The following TANC1 variants were observed in gnomAD, a reference collection of about 807,000 sequenced individuals.
The protein encoded by TANC1 is tetratricopeptide repeat, ankyrin repeat and coiled-coil containing 1.
In TANC1, 77 loss-of-function variants were observed where a neutral mutation model predicts 149.7. The observed-to-expected ratio is 0.51, with a 90% CI of 0.43 to 0.62. The LOEUF (loss-of-function observed/expected upper bound fraction) is 0.62, where lower values mean the gene tolerates loss of function less well. TANC1 is among the 20% of genes least tolerant of loss of function. The pLI is 0.00. For synonymous variants in TANC1, 854 were observed against 925.0 expected (o/e 0.92, Z 1.39); for missense variants, 1,985 against 2,321.8 (o/e 0.85, Z 2.98).
At position 158,970,176 on chromosome 2, in the gene TANC1, C is replaced by G. The variant is rs1188302257; in HGVS notation, c.-126+1394C>G. ...TGGGGGTGGGAGAGGAAAGGAGAAA[C>G]CTGGTTAGTTGGCACAGAGGGCTGG... On this transcript the variant is annotated intron_variant, in intron 1 of 26. Transcript: ENST00000263635. Among the ~76,000 whole-genome samples, 3 of 151,926 alleles carry G rather than the reference C, an allele frequency of 2.0e-5. 1 individual carries two copies. The highest frequency in any genetic ancestry group is 4.2e-4 in the South Asian group (2 of 4,806).
intron 2 of TANC1, among the ~76,000 whole-genome samples, chr2:159,051,306 C>T (rs962345532): frequency 6.6e-6 from 1 of 152,162 alleles, no homozygotes; most frequent in Admixed American, 6.5e-5. Context: ...CTCCCTATTC[C>T]TCCCCAAGAA....
rs57208685 is a variant in TANC1 at position 159,046,589 on chromosome 2, CT to C, written c.-15-19279del. Among the ~76,000 whole-genome samples, 334 of 84,326 alleles carry C rather than the reference CT, an allele frequency of 4.0e-3. 1 individual carries two copies. In the East Asian group the frequency reaches 0.047, roughly 12 times the overall value. 55.3% of individuals were successfully genotyped at this position (84,326 alleles called of 152,430 possible). A position where few individuals can be genotyped will look rare whatever the true frequency, so the allele number is the denominator to read the frequency against. On this transcript the variant is annotated intron_variant, in intron 2 of 26. Coordinates refer to ENST00000263635, the MANE Select transcript of TANC1 (RefSeq NM_033394.3). ...ATGCACCATTCTTTTCTTTTCTTTA[CT>C]TTTTTTTTTTTTTTTTTTTTTTTTT...
At chr2:159,183,603 C>T (rs551416103) in intron 14 of TANC1, among the ~76,000 whole-genome samples, 12 of 151,836 alleles carry the variant, frequency 7.9e-5, no homozygotes, top group East Asian at 1.9e-4. Context: ...TAGGAGACTC[C>T]GCCTGTTGGG....
chr2:159,023,076 G>T lies in TANC1; in HGVS notation c.-16+21887G>T, dbSNP rs72936437. Reference sequence around the variant, plus strand: ...ATAATGGGATGAGTGGCATATAGTGGGAGCATAGGGAAAATTGAGACTTCT... The same window carrying T: ...ATAATGGGATGAGTGGCATATAGTGTGAGCATAGGGAAAATTGAGACTTCT... On this transcript the variant is annotated intron_variant, in intron 2 of 26. Transcript: ENST00000263635. Among the ~76,000 whole-genome samples the T allele has an allele frequency of 1.0e-3, 154 of 152,144 alleles. 3 individuals carry two copies. Among genetic ancestry groups the T allele is most frequent in the Non-Finnish European group, 3.8e-4 (26 of 68,032 alleles).
intron 5 of TANC1, among the ~76,000 whole-genome samples, chr2:159,146,206 T>C (rs563330317): frequency 1.9e-4 from 29 of 152,032 alleles, no homozygotes; most frequent in Non-Finnish European, 3.8e-4. Flanking sequence ...TCTGCCAGAG[T>C]GAGAAGTTCA....
At chr2:159,152,617 G>T (rs1038702946) in intron 7 of TANC1, among the ~76,000 whole-genome samples, 2 of 152,014 alleles carry the variant, frequency 1.3e-5, no homozygotes, top group African/African-American at 4.8e-5. Context: ...AGGTTCCCGG[G>T]TAGTTGGGAC....
At chr2:159,071,452 T>C (rs2043150521) in intron 3 of TANC1, among the ~76,000 whole-genome samples, 1 of 152,230 alleles carries the variant, frequency 6.6e-6, no homozygotes, top group African/African-American at 2.4e-5. Context: ...GTTGGCTAAA[T>C]ACACTTGTAA....
intron 3 of TANC1, among the ~76,000 whole-genome samples, chr2:159,090,764 T>G (rs544747336): frequency 6.6e-6 from 1 of 152,378 alleles, no homozygotes; most frequent in South Asian, 2.1e-4. Flanking sequence ...CCAGCGCCAC[T>G]GTGCTGCAGA....
At chr2:158,974,444 A>T (rs1408331807) in intron 1 of TANC1, among the ~76,000 whole-genome samples, 1 of 151,966 alleles carries the variant, frequency 6.6e-6, no homozygotes, top group Non-Finnish European at 1.5e-5. Flanking sequence ...TTTTAATTTT[A>T]TTATTTCGAG....
chr2:159,120,060 G>T (rs1197740119), intron 4 of TANC1, among the ~76,000 whole-genome samples: 1 of 152,210 alleles, frequency 6.6e-6, no homozygotes, highest in African/African-American at 2.4e-5. Flanking sequence ...GGTCTGACAT[G>T]CCAGCCTTCT....
At chr2:159,134,375 G>C (rs2150185659) in intron 4 of TANC1, among the ~76,000 whole-genome samples, 1 of 152,268 alleles carries the variant, frequency 6.6e-6, no homozygotes, top group East Asian at 1.9e-4. Context: ...TGTGATCTTG[G>C]CTCACTGCAA....
At chr2:159,088,037 C>T (rs2045127450) in intron 3 of TANC1, among the ~76,000 whole-genome samples, 2 of 151,700 alleles carry the variant, frequency 1.3e-5, no homozygotes, top group African/African-American at 4.8e-5. Context: ...CGAGAGCCTT[C>T]AGAGAGATCA....
chr2:158,977,989 C>T lies in TANC1; in HGVS notation c.-126+9207C>T, dbSNP rs111588535. On this transcript the variant is annotated intron_variant, in intron 1 of 26. Coordinates refer to ENST00000263635, the MANE Select transcript of TANC1 (RefSeq NM_033394.3). ...TTATGAACATTTTTTCTGATTTACT[C>T]CCGCTTCCACATTTCAGTTTTTCTT... Among the ~76,000 whole-genome samples the T allele has an allele frequency of 3.3e-5, 5 of 152,256 alleles. 1 individual carries two copies. Among genetic ancestry groups the T allele is most frequent in the African/African-American group, 9.6e-5 (4 of 41,558 alleles).
intron 1 of TANC1, among the ~76,000 whole-genome samples, chr2:159,000,207 G>C (rs997579456): frequency 1.3e-5 from 2 of 152,084 alleles, no homozygotes; most frequent in African/African-American, 4.8e-5. Flanking sequence ...TGGAGCGTGG[G>C]GTGTGGAAGG....
In TANC1 at chr2:159,159,691, C is replaced by CGTGTGTGTGTGTGTGT. The variant is rs371748384; in HGVS notation, c.683-3580_683-3565dup. Among the ~76,000 whole-genome samples, 8 of 117,952 alleles carry CGTGTGTGTGTGTGTGT rather than the reference C, an allele frequency of 6.8e-5. 1 individual carries two copies. The highest frequency in any genetic ancestry group is 3.0e-4 in the South Asian group (1 of 3,338). 77.4% of individuals were successfully genotyped at this position (117,952 alleles called of 152,430 possible). A position where few individuals can be genotyped will look rare whatever the true frequency, so the allele number is the denominator to read the frequency against. ...ATACCACTAATTGTGCATACACATA[C>CGTGTGTGTGTGTGTGT]GTGTGTGTGTGTGTGTGTGTGTGTG... is the stretch of plus-strand genomic sequence containing the variant. On this transcript the variant is annotated intron_variant, in intron 7 of 26. Transcript: ENST00000263635.
intron 3 of TANC1, among the ~76,000 whole-genome samples, chr2:159,082,289 A>G (rs2044355041): frequency 6.6e-6 from 1 of 151,862 alleles, no homozygotes; most frequent in Non-Finnish European, 1.5e-5. Context: ...GCCCACTGCC[A>G]CCCAACCCTG....
In TANC1 at chr2:159,066,175, A is replaced by G. The variant is rs113205384; in HGVS notation, c.61+204A>G. 7.9e-3 allele frequency among the ~76,000 whole-genome samples: 1,198 copies of G among 152,350 alleles called. 14 individuals carry two copies. The highest frequency in any genetic ancestry group is 0.027 in the African/African-American group (1,115 of 41,572). On this transcript the variant is annotated intron_variant, in intron 3 of 26. Coordinates refer to ENST00000263635, the MANE Select transcript of TANC1 (RefSeq NM_033394.3). ...GTAATCCCAGCATTTTGAGAGGCCAAGGCAGGAGGATTGCTTGAGGCTAGG... is the reference window on the plus strand; with the variant it reads ...GTAATCCCAGCATTTTGAGAGGCCAGGGCAGGAGGATTGCTTGAGGCTAGG...
intron 3 of TANC1, among the ~76,000 whole-genome samples, chr2:159,074,996 G>A (rs1357413688): frequency 6.6e-6 from 1 of 151,858 alleles, no homozygotes; most frequent in African/African-American, 2.4e-5. Context: ...TCTCCCAAAG[G>A]CCCCATCTCC....
At chr2:159,065,755 GAA>G (rs1269046563) in intron 2 of TANC1, 139 bp from the exon 3 acceptor site, 1 of 558,086 alleles carries the variant, frequency 1.8e-6, no homozygotes, top group East Asian at 3.1e-5. Context: ...TTTATTCAAA[GAA>G]AATTAATGTA....
Sources: gnomAD v4.1 joint callset for allele counts (sites outside exome capture counted in the v4.1 genomes callset) on GRCh38, gnomAD v4.1.1 for gene constraint, MANE v1.5 for transcripts, NCBI Gene and HGNC (gene_info 2026-07-23, HGNC 2026-07-21) for gene names.